PTPN12: variants seen among roughly 807,000 people sequenced by gnomAD.
PTPN12 encodes the protein protein tyrosine phosphatase non-receptor type 12, also known as tyrosine-protein phosphatase non-receptor type 12.
Under a neutral mutation model 97.6 loss-of-function variants are expected in PTPN12, and 29 were observed. That is an observed-to-expected ratio of 0.30 (90% CI 0.22 to 0.41). PTPN12 has a LOEUF of 0.41. PTPN12 is among the 10% of genes least tolerant of loss of function. PTPN12 has a pLI of 1.00. For missense variants in PTPN12, 819 were observed against 926.0 expected (o/e 0.88, Z 1.50); for synonymous variants, 327 against 300.4 (o/e 1.09, Z -0.91).
rs780613695 is a variant in PTPN12, at chr7:77,583,691, T to A, written c.381+41T>A. 1.3e-5 allele frequency: 17 copies of A among 1,281,134 alleles called. No individual in the cohort carries two copies. In the South Asian group the frequency reaches 2.1e-4, roughly 16 times the overall value. 79.4% of individuals were successfully genotyped at this position (1,281,134 alleles called of 1,614,324 possible). The stretch of plus-strand genomic sequence containing the variant: ...TTCACAATAAATTTTGAGAAATACT[T>A]ATGTAATAACATAGGCTATTTTACT... On this transcript the variant is annotated intron_variant, in intron 4 of 17. Transcript: ENST00000248594.
Position 77,598,514 on chromosome 7 carries a change from T to C in PTPN12, c.552+613T>C, listed in dbSNP as rs113284536. On this transcript the variant is annotated intron_variant, in intron 7 of 17. Coordinates refer to ENST00000248594, the MANE Select transcript of PTPN12 (RefSeq NM_002835.4). ...CTGGCCAACACGGCGAAGCCCCATC[T>C]CTACTAAAAAATACTAAAATTAGCT... Among the ~76,000 whole-genome samples the C allele has an allele frequency of 1.2e-3, 182 of 152,094 alleles. 3 individuals are homozygous for C. Among genetic ancestry groups the C allele is most frequent in the African/African-American group, 4.2e-3 (176 of 41,500 alleles).
chr7:77,603,040 T>C (rs1054905540), intron 8 of PTPN12, among the ~76,000 whole-genome samples: 7 of 152,218 alleles, frequency 4.6e-5, no homozygotes, highest in African/African-American at 1.7e-4. Context: ...CTACTTTTTA[T>C]TCATGGGCCA....
At chr7:77,615,791 A>G (rs543558418) in intron 11 of PTPN12, among the ~76,000 whole-genome samples, 1 of 152,344 alleles carries the variant, frequency 6.6e-6, no homozygotes, top group South Asian at 2.1e-4. Flanking sequence ...TACATGACAA[A>G]TGTGGACTCA....
chr7:77,544,620 C>A (rs1423416802), intron 1 of PTPN12, among the ~76,000 whole-genome samples: 2 of 152,128 alleles, frequency 1.3e-5, no homozygotes, highest in Non-Finnish European at 2.9e-5. Flanking sequence ...ATTTAGGTGG[C>A]TGTAGGTTTT....
Position 77,639,612 on chromosome 7 carries a change from A to G in PTPN12, c.*332A>G, listed in dbSNP as rs890353538. 9.2e-6 allele frequency: 2 copies of G among 218,492 alleles called. No homozygotes were observed. The highest frequency in any genetic ancestry group is 5.4e-5 in the Admixed American group (1 of 18,482). The allele number at this position is 218,492 out of a possible 1,614,324, so 13.5% of individuals were successfully genotyped here. On this transcript the variant is annotated 3_prime_UTR_variant, in exon 18 of 18. Coordinates refer to ENST00000248594, the MANE Select transcript of PTPN12 (RefSeq NM_002835.4). The stretch of plus-strand genomic sequence containing the variant: ...TTTTATCATGTATGCATTATTTTGT[A>G]TATGTACAGGGCAAGTAGGTATATA...
intron 2 of PTPN12, among the ~76,000 whole-genome samples, chr7:77,577,628 A>G (rs1787383045): frequency 6.6e-6 from 1 of 152,194 alleles, no homozygotes; most frequent in African/African-American, 2.4e-5. Context: ...TATTGGATGA[A>G]TGATACTAAA....
intron 5 of PTPN12, among the ~76,000 whole-genome samples, chr7:77,589,058 G>C (rs1344983907): frequency 6.6e-6 from 1 of 152,082 alleles, no homozygotes; most frequent in Non-Finnish European, 1.5e-5. Context: ...ATTTTTAGTA[G>C]AGATGGGGTT....
chr7:77,558,979 A>G (rs915858247), intron 1 of PTPN12, among the ~76,000 whole-genome samples: 14 of 152,194 alleles, frequency 9.2e-5, no homozygotes, highest in African/African-American at 3.1e-4. Flanking sequence ...ATGCCACTGC[A>G]CTCCAGCATG....
intron 9 of PTPN12, among the ~76,000 whole-genome samples, chr7:77,609,274 T>TC (rs372099796): frequency 0.074 from 1,222 of 16,518 alleles, 15 homozygotes; most frequent in African/African-American, 0.39. Context: ...TCTCTCTCTC[T>TC]TTTTTTTTTT....
At chr7:77,596,316 C>T (rs560021552) in intron 6 of PTPN12, among the ~76,000 whole-genome samples, 40 of 151,966 alleles carry the variant, frequency 2.6e-4, no homozygotes, top group African/African-American at 9.2e-4. Context: ...AAATTCACTT[C>T]TCTTATTTGT....
chr7:77,616,905 C>T (rs991036492), intron 11 of PTPN12, among the ~76,000 whole-genome samples: 1 of 152,038 alleles, frequency 6.6e-6, no homozygotes, highest in Non-Finnish European at 1.5e-5. Context: ...GCCTCAGCCT[C>T]CCAAGTAACT....
At chr7:77,547,874 G>A (rs1253319516) in intron 1 of PTPN12, among the ~76,000 whole-genome samples, 1 of 152,130 alleles carries the variant, frequency 6.6e-6, no homozygotes, top group African/African-American at 2.4e-5. Flanking sequence ...GGAAGAACAG[G>A]GTCAGTGTGT....
intron 6 of PTPN12, among the ~76,000 whole-genome samples, chr7:77,595,391 G>A (rs1020814317): frequency 1.3e-5 from 2 of 152,170 alleles, no homozygotes; most frequent in Non-Finnish European, 2.9e-5. Context: ...CTTTTCTAGA[G>A]CTCTCTCTCG....
At chr7:77,638,817 T>A in intron 17 of PTPN12, 86 bp downstream of exon 17, 1 of 1,470,540 alleles carries the variant, frequency 6.8e-7, no homozygotes, top group Non-Finnish European at 9.0e-7. Context: ...AAATGACACT[T>A]GCCAAGAATA....
chr7:77,550,334 A>G (rs1807423995), intron 1 of PTPN12, among the ~76,000 whole-genome samples: 1 of 152,178 alleles, frequency 6.6e-6, no homozygotes, highest in Non-Finnish European at 1.5e-5. Context: ...GGGGACTTCA[A>G]AAAGCTCATG....
intron 5 of PTPN12, among the ~76,000 whole-genome samples, chr7:77,586,973 T>G (rs1787711537): frequency 6.6e-6 from 1 of 152,210 alleles, no homozygotes; most frequent in Admixed American, 6.5e-5. Flanking sequence ...TGATTCTCTT[T>G]GTTGTTTCCA....
chr7:77,576,389 C>G (rs1787343419), intron 2 of PTPN12, among the ~76,000 whole-genome samples: 2 of 151,892 alleles, frequency 1.3e-5, no homozygotes, highest in African/African-American at 4.8e-5. Flanking sequence ...TAGATTATTT[C>G]TAAATATGCT....
At chr7:77,607,211 G>T in intron 8 of PTPN12, 24 bp from the exon 9 acceptor site, 1 of 1,536,678 alleles carries the variant, frequency 6.5e-7, no homozygotes, top group Non-Finnish European at 8.8e-7. Flanking sequence ...AAAATCAATT[G>T]TTTTTCAAAC....
At chr7:77,570,979 G>T (rs1287715676) in intron 1 of PTPN12, 99 bp from the exon 2 acceptor site, 1 of 687,136 alleles carries the variant, frequency 1.5e-6, no homozygotes, top group East Asian at 3.2e-5. Flanking sequence ...TAAGAGACAG[G>T]AAAATGAGTT....
Sources: allele counts gnomAD v4.1 joint callset (sites outside exome capture counted in the v4.1 genomes callset), GRCh38; gene constraint gnomAD v4.1.1; transcripts MANE v1.5; gene names NCBI Gene and HGNC (gene_info 2026-07-23, HGNC 2026-07-21).